The following COL4A2 variants were observed in gnomAD, a reference collection of about 807,000 sequenced individuals.
COL4A2 encodes the protein collagen type IV alpha 2 chain.
Under a neutral mutation model 200.2 loss-of-function variants are expected in COL4A2, and 99 were observed. The observed-to-expected ratio is 0.49, with a 90% CI of 0.42 to 0.58. COL4A2 has a LOEUF of 0.58. Ranked by LOEUF, COL4A2 falls within the 20% of genes least tolerant of loss-of-function variation. COL4A2 has a pLI of 0.00. For missense variants in COL4A2, 1,950 were observed against 2,314.1 expected, an observed-to-expected ratio of 0.84 and a Z score of 3.23; for synonymous variants, 897 against 900.6, an observed-to-expected ratio of 1.00 and a Z score of 0.07.
intron 20 of COL4A2, among the ~76,000 whole-genome samples, chr13:110,452,866 G>A (rs1001704706): frequency 1.1e-4 from 16 of 152,048 alleles, no homozygotes; most frequent in African/African-American, 3.4e-4. Flanking sequence ...GGGATCAAGC[G>A]ATCTTCCCAC....
chr13:110,464,185 G>A (rs532186882), intron 24 of COL4A2, among the ~76,000 whole-genome samples: 73 of 152,324 alleles, frequency 4.8e-4, no homozygotes, highest in African/African-American at 1.4e-3. Flanking sequence ...CACCTGTCCA[G>A]CCATGGGGTT....
At chr13:110,448,236 T>C (rs760177332) in intron 18 of COL4A2, among the ~76,000 whole-genome samples, 3 of 152,248 alleles carry the variant, frequency 2.0e-5, no homozygotes, top group Non-Finnish European at 2.9e-5. Context: ...AAGAACATAA[T>C]TTTTAAGTTA....
intron 4 of COL4A2, among the ~76,000 whole-genome samples, chr13:110,365,030 T>C (rs973549795): frequency 6.6e-6 from 1 of 152,362 alleles, no homozygotes; most frequent in Non-Finnish European, 1.5e-5. Flanking sequence ...ATATACTAAG[T>C]ATTTGTTGAA....
intron 4 of COL4A2, among the ~76,000 whole-genome samples, chr13:110,405,981 G>T (rs1246824667): frequency 6.6e-6 from 1 of 152,164 alleles, no homozygotes; most frequent in Non-Finnish European, 1.5e-5. Context: ...TCCCGATCGG[G>T]GGAAGCCATG....
chr13:110,451,522 CAT>C lies in COL4A2; in HGVS notation c.1339+1069_1339+1070del, dbSNP rs907702767. On this transcript the variant is annotated intron_variant, in intron 20 of 47. Transcript: ENST00000360467. ...CAATCATGGCAGAAGGGGAAGCAAA[CAT>C]GTCCTTCTTCGTGGCATCAGGAAGG... Among the ~76,000 whole-genome samples the C allele has an allele frequency of 7.9e-5, 12 of 152,152 alleles. 1 individual carries two copies. The highest frequency in any genetic ancestry group is 7.9e-4 in the Admixed American group (12 of 15,274).
chr13:110,492,811 G>C (rs564343423), intron 38 of COL4A2, among the ~76,000 whole-genome samples: 1 of 152,360 alleles, frequency 6.6e-6, no homozygotes, highest in East Asian at 1.9e-4. Context: ...TATGAAGACA[G>C]TGTTCCAGTT....
Position 110,308,089 on chromosome 13 carries a change from T to C in COL4A2, c.65T>C (p.Val22Ala). 1 of 1,613,830 alleles carries C rather than the reference T, an allele frequency of 6.2e-7. No homozygotes were observed. The highest frequency in any genetic ancestry group is 8.5e-7 in the Non-Finnish European group (1 of 1,180,012). ...TGCAGGTGGCTGCTGCTGGGGACAG[T>C]GACCGTGGGGTTCCTCGCCCAGAGC... The part of the protein sequence containing the change: ...ALRRWLLLGT[V>A]TVGFLAQSVL... The change falls in exon 3 of 48, where the codon GTG (valine) becomes GCG (alanine). Residue 22 changes from valine (V) to alanine (A), a missense_variant. Val to Ala is a moderately conservative substitution (Grantham distance 64, BLOSUM62 0). Coordinates refer to ENST00000360467, the MANE Select transcript of COL4A2 (RefSeq NM_001846.4).
intron 3 of COL4A2, among the ~76,000 whole-genome samples, chr13:110,345,423 G>T (rs1177311256): frequency 6.6e-6 from 1 of 152,140 alleles, no homozygotes; most frequent in Non-Finnish European, 1.5e-5. Context: ...CAGGAGAAGC[G>T]AAGCCTGCTG....
At chr13:110,320,965 C>T (rs1885259003) in intron 3 of COL4A2, among the ~76,000 whole-genome samples, 1 of 152,002 alleles carries the variant, frequency 6.6e-6, no homozygotes, top group Non-Finnish European at 1.5e-5. Context: ...CTTAGTCTTT[C>T]ACATTTAAAA....
chr13:110,449,679 G>A lies in COL4A2; in HGVS notation c.1079G>A (p.Gly360Asp). 6.5e-7 allele frequency: 1 copy of A among 1,542,578 alleles called. No individual in the cohort carries two copies. The highest frequency in any genetic ancestry group is 8.8e-7 in the Non-Finnish European group (1 of 1,142,358). The part of the protein sequence containing the change: ...AYSPHPSLAK[G>D]ARGDPGFPGA... ...ACTGTGGGACTTGTTTCCCTTCCAGGTGCCAGAGGTGACCCGGGATTCCCA... is the reference window on the plus strand; with the variant it reads ...ACTGTGGGACTTGTTTCCCTTCCAGATGCCAGAGGTGACCCGGGATTCCCA... The change falls in exon 19 of 48, where the codon GGT becomes GAT. Residue 360 changes from glycine (G) to aspartate (D), a missense_variant and splice_region_variant. Gly to Asp is a moderately conservative substitution (Grantham distance 94). This residue lies in a region of COL4A2 where 565 missense variants were observed against 593.5 expected (regional missense o/e 0.95). Coordinates refer to ENST00000360467, the MANE Select transcript of COL4A2 (RefSeq NM_001846.4).
At chr13:110,364,531 T>G (rs563099070) in intron 4 of COL4A2, among the ~76,000 whole-genome samples, 2 of 152,190 alleles carry the variant, frequency 1.3e-5, no homozygotes, top group Non-Finnish European at 1.5e-5. Context: ...CTACCACAAT[T>G]TATTAAAAGT....
At chr13:110,383,588 T>C (rs1159552713) in intron 4 of COL4A2, among the ~76,000 whole-genome samples, 1 of 151,534 alleles carries the variant, frequency 6.6e-6, no homozygotes, top group Non-Finnish European at 1.5e-5. Context: ...TCAGTGGTTA[T>C]TTTGTGTCAG....
chr13:110,351,401 G>T (rs1566487727), intron 3 of COL4A2, among the ~76,000 whole-genome samples: 1 of 152,132 alleles, frequency 6.6e-6, no homozygotes, highest in Non-Finnish European at 1.5e-5. Context: ...TGCTGCCTGT[G>T]GCTTTCTCTA....
chr13:110,450,739 C>T (rs903726463), intron 20 of COL4A2, among the ~76,000 whole-genome samples: 2 of 152,178 alleles, frequency 1.3e-5, no homozygotes, highest in Non-Finnish European at 2.9e-5. Flanking sequence ...TGAAATCCAT[C>T]CTTCAGCGAA....
At position 110,508,812 on chromosome 13, in the gene COL4A2, C is replaced by G. The variant is rs1000839668; in HGVS notation, c.4881+591C>G. Among the ~76,000 whole-genome samples, 4 of 152,240 alleles carry G rather than the reference C, an allele frequency of 2.6e-5. No homozygotes were observed. Among genetic ancestry groups the G allele is most frequent in the African/African-American group, 4.8e-5 (2 of 41,544 alleles). On this transcript the variant is annotated intron_variant, in intron 47 of 47. Transcript: ENST00000360467. The surrounding 1 kb of genome is among the most constrained non-coding windows in gnomAD (Gnocchi z 6.1). The stretch of plus-strand genomic sequence containing the variant: ...CGCCTTTGGGTATAAAATAGAGAAC[C>G]CTCAGCTTTGGCCAGATTAGGTTTA...
chr13:110,394,722 G>A (rs117312511), intron 4 of COL4A2, among the ~76,000 whole-genome samples: 2 of 152,160 alleles, frequency 1.3e-5, no homozygotes, highest in African/African-American at 4.8e-5. Flanking sequence ...TCCTCCGCGG[G>A]TGGGCCGATG....
chr13:110,458,237 C>T, intron 21 of COL4A2: 1 of 413,108 alleles, frequency 2.4e-6, no homozygotes. Flanking sequence ...GGGGAGCCAA[C>T]CCCTGCCGCC....
At chr13:110,465,700 GGAT>G in intron 25 of COL4A2, 94 bp downstream of exon 25, 1 of 1,194,896 alleles carries the variant, frequency 8.4e-7, no homozygotes, top group Non-Finnish European at 1.2e-6. Flanking sequence ...AGTCAGATGA[GGAT>G]GCTGTTTTGC....
At chr13:110,415,793 T>G (rs1880020070) in intron 4 of COL4A2, among the ~76,000 whole-genome samples, 1 of 152,204 alleles carries the variant, frequency 6.6e-6, no homozygotes, top group Non-Finnish European at 1.5e-5. Context: ...CCACACGCCT[T>G]TCCTCTCTGC....
Sources: allele counts gnomAD v4.1 joint callset (sites outside exome capture counted in the v4.1 genomes callset), GRCh38; gene constraint gnomAD v4.1.1; regional missense constraint gnomAD v4.1.1; non-coding constraint Gnocchi (gnomAD v3.1); transcripts MANE v1.5; gene names NCBI Gene and HGNC (gene_info 2026-07-23, HGNC 2026-07-21).